Variants in C7orf78 observed in about 807,000 individuals in gnomAD.
C7orf78 encodes the protein chromosome 7 open reading frame 78, also known as putative uncharacterized protein C7orf78.
At chr7:12,495,482 A>G in the C7orf78 span, among the ~76,000 whole-genome samples, 1 of 152,204 alleles carries the variant, frequency 6.6e-6, no homozygotes, top group African/African-American at 2.4e-5. Flanking sequence ...ATGTTATTTT[A>G]CTATCCTCTC....
chr7:12,488,596 T>C, the C7orf78 span, among the ~76,000 whole-genome samples: 2 of 152,046 alleles, frequency 1.3e-5, no homozygotes, highest in Non-Finnish European at 2.9e-5. Context: ...TGCAGAATCA[T>C]TTAGCCAACA....
the C7orf78 span, among the ~76,000 whole-genome samples, chr7:12,503,647 T>C: frequency 2.6e-5 from 4 of 152,080 alleles, no homozygotes; most frequent in East Asian, 1.9e-4. Flanking sequence ...TTAGGGTACA[T>C]GTGCACAGCG....
chr7:12,524,141 A>C, the C7orf78 span, among the ~76,000 whole-genome samples: 3 of 152,198 alleles, frequency 2.0e-5, no homozygotes, highest in Admixed American at 6.5e-5. Flanking sequence ...ATGGCTTCTA[A>C]GATCAGAGTA....
the C7orf78 span, among the ~76,000 whole-genome samples, chr7:12,525,106 T>G: frequency 1.3e-4 from 19 of 151,976 alleles, no homozygotes; most frequent in African/African-American, 4.4e-4. Flanking sequence ...TCTTTGGAAC[T>G]TTTAATATTG....
At chr7:12,496,200 C>T in the C7orf78 span, among the ~76,000 whole-genome samples, 1 of 152,214 alleles carries the variant, frequency 6.6e-6, no homozygotes, top group Non-Finnish European at 1.5e-5. Context: ...GCTGGGAATA[C>T]AGGCGTGAGC....
chr7:12,494,924 T>C, the C7orf78 span, among the ~76,000 whole-genome samples: 12 of 150,296 alleles, frequency 8.0e-5, no homozygotes, highest in African/African-American at 2.4e-4. Context: ...CAGGTACCGA[T>C]AGACAACTTT....
chr7:12,490,810 G>A, the C7orf78 span, among the ~76,000 whole-genome samples: 5 of 152,000 alleles, frequency 3.3e-5, no homozygotes, highest in Non-Finnish European at 5.9e-5. Flanking sequence ...GAATGGAATG[G>A]TGCCAAGGGA....
At chr7:12,487,237 C>T in the C7orf78 span, among the ~76,000 whole-genome samples, 2 of 152,090 alleles carry the variant, frequency 1.3e-5, no homozygotes, top group African/African-American at 4.8e-5. Context: ...ATTTTTCATC[C>T]ACCTGATACT....
At chr7:12,512,298 C>T in the C7orf78 span, among the ~76,000 whole-genome samples, 599 of 152,130 alleles carry the variant, frequency 3.9e-3, 4 homozygotes, top group African/African-American at 0.013. Context: ...AGCTTTTCCC[C>T]ATTTAGTATC....
chr7:12,535,799 T>C, the C7orf78 span, among the ~76,000 whole-genome samples: 3 of 152,220 alleles, frequency 2.0e-5, no homozygotes, highest in Admixed American at 6.5e-5. Context: ...ACAAAGGGGC[T>C]ACAGACCCCA....
the C7orf78 span, among the ~76,000 whole-genome samples, chr7:12,488,051 A>T: frequency 6.6e-6 from 1 of 152,096 alleles, no homozygotes; most frequent in Non-Finnish European, 1.5e-5. Context: ...GAAGTATGCC[A>T]ATTCTCAAGT....
the C7orf78 span, among the ~76,000 whole-genome samples, chr7:12,487,771 C>A: frequency 2.8e-3 from 430 of 152,132 alleles, 6 homozygotes; most frequent in African/African-American, 1.0e-2. Flanking sequence ...CAGATTCAGT[C>A]TCCTTTAAGT....
At chr7:12,521,986 C>G in the C7orf78 span, among the ~76,000 whole-genome samples, 1 of 151,878 alleles carries the variant, frequency 6.6e-6, no homozygotes, top group African/African-American at 2.4e-5. Flanking sequence ...ATTTGGAAAA[C>G]AATCCATCAC....
At chr7:12,492,846 C>A in the C7orf78 span, among the ~76,000 whole-genome samples, 4 of 152,204 alleles carry the variant, frequency 2.6e-5, no homozygotes, top group Admixed American at 1.3e-4. Context: ...CTTGAATAGT[C>A]TTACTTTAGG....
chr7:12,531,559 A>G, the C7orf78 span, among the ~76,000 whole-genome samples: 3 of 152,168 alleles, frequency 2.0e-5, no homozygotes, highest in Non-Finnish European at 4.4e-5. Flanking sequence ...AACTGCTGGC[A>G]CAGTCCCTCA....
At chr7:12,491,183 T>A in the C7orf78 span, 1 of 152,214 alleles carries the variant, frequency 6.6e-6, no homozygotes, top group African/African-American at 2.4e-5. Flanking sequence ...TTTCTTATCA[T>A]TGTTAACTGT....
At chr7:12,508,718 C>G in the C7orf78 span, among the ~76,000 whole-genome samples, 1 of 152,204 alleles carries the variant, frequency 6.6e-6, no homozygotes, top group Non-Finnish European at 1.5e-5. Context: ...AGCAAAGCTT[C>G]ACCTGTATTT....
the C7orf78 span, among the ~76,000 whole-genome samples, chr7:12,537,499 ACTC>A: frequency 6.6e-6 from 1 of 151,936 alleles, no homozygotes. Context: ...AGCAATTAGA[ACTC>A]CTATACACTG....
chr7:12,503,737 GT>G, the C7orf78 span, among the ~76,000 whole-genome samples: 3 of 151,948 alleles, frequency 2.0e-5, no homozygotes, highest in Non-Finnish European at 2.9e-5. Context: ...ATTTTAAAAA[GT>G]TTTTTTAACT....
Sources: gnomAD v4.1 joint callset for allele counts (sites outside exome capture counted in the v4.1 genomes callset) on GRCh38, gnomAD v4.1.1 for gene constraint, MANE v1.5 for transcripts, NCBI Gene and HGNC (gene_info 2026-07-23, HGNC 2026-07-21) for gene names.